PIK3AP1: variants seen among roughly 807,000 people sequenced by gnomAD.
PIK3AP1 encodes the protein phosphoinositide 3-kinase adapter protein 1.
In PIK3AP1, 21 loss-of-function variants were observed where a neutral mutation model predicts 88.1. The ratio of observed to expected loss-of-function variants is 0.24; its 90% CI spans 0.17 to 0.34. The LOEUF is 0.34. PIK3AP1 is among the 10% of genes least tolerant of loss of function. The pLI is 1.00. For synonymous variants in PIK3AP1, 398 were observed against 400.0 expected (o/e 1.00, Z 0.06); for missense variants, 828 against 1,035.7 (o/e 0.80, Z 2.75).
intron 11 of PIK3AP1, chr10:96,621,786 T>C (rs992106889): frequency 7.2e-5 from 11 of 152,294 alleles, no homozygotes; most frequent in African/African-American, 2.4e-4. Flanking sequence ...CTTGGCACTA[T>C]TGACATTTTG....
chr10:96,693,968 G>A (rs1436056608), intron 2 of PIK3AP1, among the ~76,000 whole-genome samples: 1 of 152,072 alleles, frequency 6.6e-6, no homozygotes, highest in Admixed American at 6.6e-5. Context: ...AGTTAACCTG[G>A]GCTCTAGGAT....
At chr10:96,690,693 C>G (rs1394939875) in intron 2 of PIK3AP1, among the ~76,000 whole-genome samples, 2 of 152,214 alleles carry the variant, frequency 1.3e-5, no homozygotes, top group Non-Finnish European at 2.9e-5. Flanking sequence ...CCTCCACATT[C>G]ACCAAGTGGT....
chr10:96,644,394 T>G (rs1428883481), intron 8 of PIK3AP1, among the ~76,000 whole-genome samples: 1 of 152,274 alleles, frequency 6.6e-6, no homozygotes, highest in Non-Finnish European at 1.5e-5. Flanking sequence ...TTTTTAAATT[T>G]AATGTCAGCA....
At chr10:96,682,909 A>T (rs1844022088) in intron 2 of PIK3AP1, among the ~76,000 whole-genome samples, 1 of 152,192 alleles carries the variant, frequency 6.6e-6, no homozygotes, top group African/African-American at 2.4e-5. Flanking sequence ...TTTTGAAAAA[A>T]CTACATTTAA....
chr10:96,714,742 G>A (rs989783418), intron 1 of PIK3AP1, among the ~76,000 whole-genome samples: 5 of 152,124 alleles, frequency 3.3e-5, no homozygotes, highest in Admixed American at 6.5e-5. Context: ...AACTCAAAGC[G>A]CCCAGTGGCA....
chr10:96,664,721 G>A (rs1418924284), intron 2 of PIK3AP1, among the ~76,000 whole-genome samples: 3 of 152,090 alleles, frequency 2.0e-5, no homozygotes, highest in Non-Finnish European at 4.4e-5. Flanking sequence ...TATTCATTTA[G>A]TCACCTTAGA....
At chr10:96,715,661 C>T (rs1358375640) in intron 1 of PIK3AP1, among the ~76,000 whole-genome samples, 4 of 152,080 alleles carry the variant, frequency 2.6e-5, no homozygotes, top group African/African-American at 9.7e-5. Context: ...GAGGCCAAGG[C>T]GGGTGGATCA....
At position 96,720,200 on chromosome 10, in the gene PIK3AP1, C is replaced by T. The variant is rs1844553158; in HGVS notation, c.13+182G>A. Reference sequence around the variant, plus strand: ...AAGAGAATCGCGCCACAGGCTGGGACGGGAAACGTGGGAAAGTTGGAGTGG... The same window carrying T: ...AAGAGAATCGCGCCACAGGCTGGGATGGGAAACGTGGGAAAGTTGGAGTGG... On this transcript the variant is annotated intron_variant, in intron 1 of 16. Coordinates refer to ENST00000339364, the MANE Select transcript of PIK3AP1 (RefSeq NM_152309.3). This position sits in a 1 kb window ranked among gnomAD's most constrained non-coding sequence, Gnocchi z 4.6. Among the ~76,000 whole-genome samples, 1 of 152,088 alleles carries T rather than the reference C, an allele frequency of 6.6e-6. No homozygotes were observed. Among genetic ancestry groups the T allele is most frequent in the Non-Finnish European group, 1.5e-5 (1 of 68,006 alleles).
intron 2 of PIK3AP1, among the ~76,000 whole-genome samples, chr10:96,704,761 G>T (rs939472987): frequency 6.6e-6 from 1 of 151,800 alleles, no homozygotes; most frequent in African/African-American, 2.4e-5. Context: ...AGAAATGCAG[G>T]ATCTTGGCCC....
intron 1 of PIK3AP1, among the ~76,000 whole-genome samples, chr10:96,716,500 A>C (rs1002157006): frequency 6.6e-6 from 1 of 152,202 alleles, no homozygotes; most frequent in African/African-American, 2.4e-5. Context: ...GAGGACAATG[A>C]AATCTATCAC....
At chr10:96,701,131 A>G (rs1025184108) in intron 2 of PIK3AP1, among the ~76,000 whole-genome samples, 3 of 152,234 alleles carry the variant, frequency 2.0e-5, no homozygotes, top group African/African-American at 7.2e-5. Context: ...CCTATTCAGT[A>G]GGTCTGGGGT....
chr10:96,633,112 G>C lies in PIK3AP1; in HGVS notation c.1376-4619C>G, dbSNP rs1589502413. 2.4e-5 allele frequency: 36 copies of C among 1,517,514 alleles called. No homozygotes were observed. In the East Asian group the frequency reaches 8.8e-4, roughly 37 times the overall value. The allele number at this position is 1,517,514 out of a possible 1,614,324, so 94.0% of individuals were successfully genotyped here. On this transcript the variant is annotated intron_variant, in intron 8 of 16. Transcript: ENST00000339364. ...CAACTCCAGAGGCGGAGCTTCCAGGGTCACCATGAGAGGTATGCCAGAGTC... is the reference window on the plus strand; with the variant it reads ...CAACTCCAGAGGCGGAGCTTCCAGGCTCACCATGAGAGGTATGCCAGAGTC...
At position 96,656,903 on chromosome 10, in the gene PIK3AP1, C is replaced by G. The variant is rs1391665661; in HGVS notation, c.462G>C (p.Glu154Asp). The change falls in exon 3 of 17, where the codon GAG (glutamate) becomes GAC (aspartate). Residue 154 changes from glutamate to aspartate, a missense_variant. Transcript: ENST00000339364. ...DSGCDSVTDTEPEDEKVVSYS... is the reference protein window; with the variant it reads ...DSGCDSVTDTDPEDEKVVSYS... ...AGGAAACAACCTTCTCGTCCTCAGGCTCAGTGTCAGTGACTGAGTCACAGC... is the reference window on the plus strand; with the variant it reads ...AGGAAACAACCTTCTCGTCCTCAGGGTCAGTGTCAGTGACTGAGTCACAGC... 2 of 1,613,970 alleles carry G rather than the reference C, an allele frequency of 1.2e-6. No individual in the cohort carries two copies. Among genetic ancestry groups the G allele is most frequent in the African/African-American group, 2.7e-5 (2 of 74,904 alleles).
intron 9 of PIK3AP1, among the ~76,000 whole-genome samples, chr10:96,627,734 C>A (rs960901301): frequency 2.6e-5 from 4 of 152,194 alleles, no homozygotes; most frequent in Non-Finnish European, 5.9e-5. Context: ...TTGAAACCTT[C>A]AGTAATAATA....
At chr10:96,674,570 T>A (rs534165758) in intron 2 of PIK3AP1, among the ~76,000 whole-genome samples, 1 of 152,372 alleles carries the variant, frequency 6.6e-6, no homozygotes, top group Admixed American at 6.5e-5. Flanking sequence ...CTGACATTCA[T>A]TCATCTTTGT....
chr10:96,634,517 C>T (rs1843287984), intron 8 of PIK3AP1, among the ~76,000 whole-genome samples: 1 of 152,198 alleles, frequency 6.6e-6, no homozygotes, highest in African/African-American at 2.4e-5. Context: ...CTCTTACTAG[C>T]TCTGTGTCCT....
chr10:96,634,916 A>C (rs1034868772), intron 8 of PIK3AP1, among the ~76,000 whole-genome samples: 1 of 151,974 alleles, frequency 6.6e-6, no homozygotes, highest in African/African-American at 2.4e-5. Flanking sequence ...GGCCACCTGC[A>C]CTCCTTAGCA....
At chr10:96,671,979 C>T (rs968347351) in intron 2 of PIK3AP1, among the ~76,000 whole-genome samples, 3 of 152,116 alleles carry the variant, frequency 2.0e-5, no homozygotes, top group African/African-American at 7.2e-5. Flanking sequence ...ATCAAAGCTG[C>T]AGTGGCCCAT....
chr10:96,622,261 T>G (rs1283912113), intron 11 of PIK3AP1, among the ~76,000 whole-genome samples: 1 of 152,256 alleles, frequency 6.6e-6, no homozygotes, highest in Non-Finnish European at 1.5e-5. Flanking sequence ...CACAGTTCTC[T>G]GCTTTGGAGC....
Sources: allele counts gnomAD v4.1 joint callset (sites outside exome capture counted in the v4.1 genomes callset), GRCh38; gene constraint gnomAD v4.1.1; non-coding constraint Gnocchi (gnomAD v3.1); transcripts MANE v1.5; gene names NCBI Gene and HGNC (gene_info 2026-07-23, HGNC 2026-07-21).